PCDHGA9: variants seen among roughly 807,000 people sequenced by gnomAD.
PCDHGA9 encodes the protein protocadherin gamma subfamily A, 9, also known as protocadherin gamma-A9.
A neutral mutation model predicts 62.5 loss-of-function variants in PCDHGA9; 37 were observed. That is an observed-to-expected ratio of 0.59 (90% confidence interval 0.46 to 0.78). The LOEUF (loss-of-function observed/expected upper bound fraction) is 0.78, where lower values mean the gene tolerates loss of function less well. Among genes scored for constraint, PCDHGA9 ranks in the 30% least tolerant of loss-of-function variants. The probability of loss-of-function intolerance (pLI) is 0.00; values close to 1 mark genes in which losing one functional copy is unlikely to be tolerated. For missense variants in PCDHGA9, 1,138 were observed against 1,166.2 expected (o/e 0.98, Z 0.35); for synonymous variants, 459 against 484.6 (o/e 0.95, Z 0.69).
intron 2 of PCDHGA9, among the ~76,000 whole-genome samples, chr5:141,497,962 G>A (rs2099780751): frequency 6.6e-6 from 1 of 152,236 alleles, no homozygotes; most frequent in African/African-American, 2.4e-5. Context: ...TGGCCAGGCA[G>A]TGTTCTCGAT....
intron 1 of PCDHGA9, chr5:141,478,905 G>T (rs1593970684): frequency 1.1e-6 from 1 of 930,214 alleles, no homozygotes; most frequent in East Asian, 2.7e-5. Flanking sequence ...GGAATAAGCT[G>T]CTGGATACCT....
chr5:141,451,789 G>A (rs2098724524), intron 1 of PCDHGA9, among the ~76,000 whole-genome samples: 1 of 152,074 alleles, frequency 6.6e-6, no homozygotes, highest in South Asian at 2.1e-4. Flanking sequence ...GCTGAGGCCA[G>A]AGAATTGCTT....
At chr5:141,461,799 G>T (rs1025237561) in intron 1 of PCDHGA9, among the ~76,000 whole-genome samples, 5 of 151,188 alleles carry the variant, frequency 3.3e-5, no homozygotes, top group Admixed American at 1.3e-4. Context: ...GATTACAGGT[G>T]CCCACCACCA....
chr5:141,488,437 C>A (rs1327345486), intron 1 of PCDHGA9, among the ~76,000 whole-genome samples: 2 of 152,210 alleles, frequency 1.3e-5, no homozygotes, highest in Non-Finnish European at 2.9e-5. Context: ...CCTCTGACCA[C>A]CCTCCTGGGT....
intron 1 of PCDHGA9, chr5:141,409,138 A>T: frequency 6.2e-7 from 1 of 1,614,046 alleles, no homozygotes; most frequent in South Asian, 1.1e-5. Context: ...TTGAAGATGT[A>T]GAAAGGTACA....
chr5:141,410,224 C>T, intron 1 of PCDHGA9: 2 of 1,614,028 alleles, frequency 1.2e-6, no homozygotes, highest in Non-Finnish European at 8.5e-7. Context: ...TACTGCCAGA[C>T]CTCAGCGACC....
At chr5:141,412,163 T>G (rs1005929326) in intron 1 of PCDHGA9, 13 of 152,240 alleles carry the variant, frequency 8.5e-5, no homozygotes, top group African/African-American at 2.9e-4. Flanking sequence ...GAGAAGAGAT[T>G]ATTTATACTG....
rs1330469043 is a variant in PCDHGA9 at position 141,491,537 on chromosome 5, C to A, written c.2425-3270C>A. On this transcript the variant is annotated intron_variant, in intron 1 of 3. Transcript: ENST00000573521. This position sits in a 1 kb window ranked among gnomAD's most constrained non-coding sequence, Gnocchi z 6.9. ...AAGTACATGGAGGTGACGCTGCGGCCCACAGACTCGCAGAGCCACTGCTAC... is the reference window on the plus strand; with the variant it reads ...AAGTACATGGAGGTGACGCTGCGGCACACAGACTCGCAGAGCCACTGCTAC... The A allele has an allele frequency of 6.2e-7, 1 of 1,613,908 alleles. No homozygotes were observed. Among genetic ancestry groups the A allele is most frequent in the African/African-American group, 1.3e-5 (1 of 74,920 alleles).
At chr5:141,500,315 G>C (rs944076867) in intron 2 of PCDHGA9, among the ~76,000 whole-genome samples, 41 of 151,522 alleles carry the variant, frequency 2.7e-4, no homozygotes, top group African/African-American at 9.5e-4. Flanking sequence ...TTCACGCCAT[G>C]CTCCTGCCTC....
At chr5:141,449,723 GA>G (rs1432635918) in intron 1 of PCDHGA9, among the ~76,000 whole-genome samples, 2 of 150,880 alleles carry the variant, frequency 1.3e-5, no homozygotes, top group Admixed American at 6.6e-5. Flanking sequence ...TATATGATAT[GA>G]TTTTTTTATG....
rs746913952 is a variant in PCDHGA9, at chr5:141,432,898, G to T, written c.2424+27522G>T. 2.5e-6 allele frequency: 4 copies of T among 1,614,174 alleles called. No individual in the cohort carries two copies. Among genetic ancestry groups the T allele is most frequent in the Admixed American group, 3.3e-5 (2 of 60,034 alleles). ...TGGCCTTCGTCATCTTGCTGCTGGC[G>T]CTCAGGCTGCGGCGCTGGCACAAGT... On this transcript the variant is annotated intron_variant, in intron 1 of 3. Coordinates refer to ENST00000573521, the MANE Select transcript of PCDHGA9 (RefSeq NM_018921.3). The surrounding 1 kb of genome is among the most constrained non-coding windows in gnomAD (Gnocchi z 6.0).
intron 1 of PCDHGA9, among the ~76,000 whole-genome samples, chr5:141,439,259 G>A (rs1172204848): frequency 6.6e-6 from 1 of 151,900 alleles, no homozygotes; most frequent in African/African-American, 2.4e-5. Context: ...TGAAGATTCA[G>A]CCAACAGTTC....
intron 1 of PCDHGA9, among the ~76,000 whole-genome samples, chr5:141,459,759 G>A (rs1164466104): frequency 7.2e-5 from 11 of 152,206 alleles, no homozygotes; most frequent in Non-Finnish European, 2.9e-5. Context: ...TCTAGTGGGT[G>A]TGTGATACTA....
rs1023379892 is a variant in PCDHGA9 at position 141,475,927 on chromosome 5, G to T, written c.2425-18880G>T. 1.3e-4 allele frequency: 80 copies of T among 628,362 alleles called. No individual in the cohort carries two copies. In the African/African-American group the frequency reaches 1.4e-3, roughly 11 times the overall value. The allele number at this position is 628,362 out of a possible 1,614,324, so 38.9% of individuals were successfully genotyped here. ...CGGCCAATGAAGACGCTGGAGATCG[G>T]GCCCCTGCCCGTCCCCTTTCTGCGC... On this transcript the variant is annotated intron_variant, in intron 1 of 3. Coordinates refer to ENST00000573521, the MANE Select transcript of PCDHGA9 (RefSeq NM_018921.3).
At chr5:141,453,964 C>T (rs2098778500) in intron 1 of PCDHGA9, among the ~76,000 whole-genome samples, 1 of 152,296 alleles carries the variant, frequency 6.6e-6, no homozygotes, top group Non-Finnish European at 1.5e-5. Context: ...GACAGCAAAG[C>T]ATGTAGTTGT....
At chr5:141,482,876 AGCCTG>A (rs2099574018) in intron 1 of PCDHGA9, among the ~76,000 whole-genome samples, 1 of 152,142 alleles carries the variant, frequency 6.6e-6, no homozygotes, top group Admixed American at 6.5e-5. Flanking sequence ...GTTTGAAACC[AGCCTG>A]GCCAACATGG....
chr5:141,461,040 G>A (rs536064886), intron 1 of PCDHGA9, among the ~76,000 whole-genome samples: 123 of 150,514 alleles, frequency 8.2e-4, no homozygotes, highest in East Asian at 2.5e-3. Flanking sequence ...CTCATTAGTC[G>A]ATGGGGACTT....
chr5:141,443,029 C>A (rs1281303741), intron 1 of PCDHGA9, among the ~76,000 whole-genome samples: 1 of 152,192 alleles, frequency 6.6e-6, no homozygotes, highest in Admixed American at 6.5e-5. Flanking sequence ...AGTTGCCAGA[C>A]CTAAACTTTG....
At chr5:141,422,168 G>T in intron 1 of PCDHGA9, 2 of 1,563,582 alleles carry the variant, frequency 1.3e-6, no homozygotes, top group Non-Finnish European at 1.7e-6. Context: ...GAAAAATATA[G>T]ATTCTATGAG....
Sources: allele counts gnomAD v4.1 joint callset (sites outside exome capture counted in the v4.1 genomes callset), GRCh38; gene constraint gnomAD v4.1.1; non-coding constraint Gnocchi (gnomAD v3.1); transcripts MANE v1.5; gene names NCBI Gene and HGNC (gene_info 2026-07-23, HGNC 2026-07-21).